Variants in DENND4C observed in about 807,000 individuals in gnomAD.
DENND4C encodes DENN domain-containing protein 4C.
In DENND4C, 108 loss-of-function variants were observed where a neutral mutation model predicts 203.0. The ratio of observed to expected loss-of-function variants is 0.53; its 90% CI spans 0.46 to 0.62. The LOEUF is 0.62. DENND4C is among the 20% of genes least tolerant of loss of function. The probability of loss-of-function intolerance (pLI) is 0.00; values close to 1 mark genes in which losing one functional copy is unlikely to be tolerated. For synonymous variants in DENND4C, 871 were observed against 792.4 expected, an observed-to-expected ratio of 1.10 and a Z score of -1.67; for missense variants, 2,481 against 2,301.2, an observed-to-expected ratio of 1.08 and a Z score of -1.60.
chr9:19,338,469 C>T lies in DENND4C; in HGVS notation c.2881+1637C>T, dbSNP rs193056484. Reference sequence around the variant, plus strand: ...AATAGTTGGGCACAAACCTTCAGGTCCCCCTTATATATATTTTAGCTGCAT... The same window carrying T: ...AATAGTTGGGCACAAACCTTCAGGTTCCCCTTATATATATTTTAGCTGCAT... On this transcript the variant is annotated intron_variant, in intron 20 of 32. Transcript: ENST00000434457. 1.3e-5 allele frequency among the ~76,000 whole-genome samples: 2 copies of T among 152,156 alleles called. 1 individual carries two copies. The highest frequency in any genetic ancestry group is 3.9e-4 in the East Asian group (2 of 5,174).
chr9:19,242,250 G>C (rs1823939933), intron 1 of DENND4C, among the ~76,000 whole-genome samples: 1 of 152,186 alleles, frequency 6.6e-6, no homozygotes, highest in South Asian at 2.1e-4. Flanking sequence ...TTTGTGGTTT[G>C]CTAGCTCATT....
At chr9:19,371,999 TAAC>T in intron 32 of DENND4C, 35 bp from the exon 33 acceptor site, 7 of 1,594,684 alleles carry the variant, frequency 4.4e-6, no homozygotes, top group Non-Finnish European at 6.0e-6. Context: ...TTGTCTTTCT[TAAC>T]AAATTACAAC....
At chr9:19,298,260 G>A in intron 7 of DENND4C, 138 bp downstream of exon 7, 1 of 673,864 alleles carries the variant, frequency 1.5e-6, no homozygotes, top group South Asian at 2.6e-5. Context: ...GTGCTTTGTA[G>A]CTTTACTGAA....
Position 19,341,079 on chromosome 9 carries a change from G to A in DENND4C, c.2969G>A (p.Arg990Lys), listed in dbSNP as rs1821513688. ...EIHVPEEQAA[R>K]ELITKTKMQT... ...CATGTGCCTGAAGAACAGGCAGCAAGAGAATTGATAACTAAAACAAAAATG... is the reference window on the plus strand; with the variant it reads ...CATGTGCCTGAAGAACAGGCAGCAAAAGAATTGATAACTAAAACAAAAATG... Residue 990 changes from arginine (R) to lysine (K), a missense_variant, in exon 21 of 33, where the codon AGA (arginine) becomes AAA (lysine). By Grantham distance (26) the Arg-to-Lys change is conservative (BLOSUM62 2). Around this residue, in one of 3 missense-constraint regions of DENND4C, gnomAD observed 2,289 missense variants for 2,113.3 expected, o/e 1.08. Transcript: ENST00000434457. 1 of 1,612,818 alleles carries A rather than the reference G, an allele frequency of 6.2e-7. No individual in the cohort carries two copies. The highest frequency in any genetic ancestry group is 1.3e-5 in the African/African-American group (1 of 74,954).
At chr9:19,292,316 G>A in intron 5 of DENND4C, 1 of 151,502 alleles carries the variant, frequency 6.6e-6, no homozygotes, top group Non-Finnish European at 1.5e-5. Flanking sequence ...CAGGTATGAG[G>A]CACCATGCCT....
At chr9:19,322,079 C>T (rs1186516316) in intron 12 of DENND4C, among the ~76,000 whole-genome samples, 5 of 152,068 alleles carry the variant, frequency 3.3e-5, no homozygotes, top group South Asian at 2.1e-4. Flanking sequence ...ATGCTCATTT[C>T]GGGGTGCGGA....
chr9:19,251,950 C>T (rs12002482), intron 1 of DENND4C, among the ~76,000 whole-genome samples: 9,764 of 152,202 alleles, frequency 0.064, 585 homozygotes, highest in African/African-American at 0.16. Flanking sequence ...CCAAACTGTT[C>T]CAGCCTCTGC....
At chr9:19,246,772 C>G (rs1825383282) in intron 1 of DENND4C, among the ~76,000 whole-genome samples, 1 of 152,028 alleles carries the variant, frequency 6.6e-6, no homozygotes, top group Non-Finnish European at 1.5e-5. Context: ...TGCACATCCC[C>G]TGTATTATTT....
At chr9:19,288,344 A>G (rs1017520663) in intron 3 of DENND4C, among the ~76,000 whole-genome samples, 13 of 152,188 alleles carry the variant, frequency 8.5e-5, no homozygotes, top group African/African-American at 3.1e-4. Flanking sequence ...GCAATCTCTG[A>G]GTGATTGTGA....
intron 12 of DENND4C, among the ~76,000 whole-genome samples, chr9:19,320,792 C>G (rs1842754408): frequency 6.6e-6 from 1 of 152,212 alleles, no homozygotes; most frequent in South Asian, 2.1e-4. Context: ...TTGTAGTTCA[C>G]CCATCAGCCT....
chr9:19,321,469 GTTTTT>G (rs564732221), intron 12 of DENND4C, among the ~76,000 whole-genome samples: 2 of 145,362 alleles, frequency 1.4e-5, no homozygotes, highest in Non-Finnish European at 3.0e-5. Flanking sequence ...CAGATCGAAG[GTTTTT>G]TTTTTTGTTT....
At chr9:19,286,720 G>A in intron 2 of DENND4C, 49 bp from the exon 3 acceptor site, 1 of 1,185,154 alleles carries the variant, frequency 8.4e-7, no homozygotes, top group Non-Finnish European at 1.1e-6. Flanking sequence ...ACATATGTAT[G>A]TGTGTATGTA....
chr9:19,357,154 G>A lies in DENND4C; in HGVS notation c.4964G>A (p.Ser1655Asn). 6.2e-7 allele frequency: 1 copy of A among 1,613,702 alleles called. No individual in the cohort carries two copies. Among genetic ancestry groups the A allele is most frequent in the Non-Finnish European group, 8.5e-7 (1 of 1,179,738 alleles). ...TEETGSAVEP[S>N]DEIKRASGDV... The stretch of plus-strand genomic sequence containing the variant: ...GAAACAGGCTCTGCAGTTGAACCAA[G>A]GTATCAAAGGGTACAGAGACCTCTT... Residue 1655 changes from serine to asparagine, a missense_variant and splice_region_variant, in exon 27 of 33, where the codon AGT becomes AAT. Transcript: ENST00000434457.
chr9:19,282,184 A>AT (rs1834185744), intron 2 of DENND4C, among the ~76,000 whole-genome samples: 1 of 150,414 alleles, frequency 6.6e-6, no homozygotes, highest in Non-Finnish European at 1.5e-5. Flanking sequence ...GTACAAAAAT[A>AT]TTTTTCTTTC....
rs879119031 is a variant in DENND4C, at chr9:19,335,095, A to T, written c.2579A>T (p.Tyr860Phe). Residue 860 changes from tyrosine to phenylalanine, a missense_variant, in exon 18 of 33, where the codon TAT (tyrosine) becomes TTT (phenylalanine). Tyr to Phe is a conservative substitution (Grantham distance 22). Around this residue, in one of 3 missense-constraint regions of DENND4C, gnomAD observed 2,289 missense variants for 2,113.3 expected, o/e 1.08. Transcript: ENST00000434457. ...RIKPNAITYG[Y>F]YNKVVLESPW... ...AAGCCTAATGCTATTACTTATGGTT[A>T]TTATAATAAGGTAAGTAGGATCGAC... The T allele has an allele frequency of 1.3e-6, 2 of 1,594,410 alleles. No homozygotes were observed. Among genetic ancestry groups the T allele is most frequent in the South Asian group, 2.3e-5 (2 of 87,146 alleles).
At chr9:19,274,364 C>T (rs573746464) in intron 1 of DENND4C, among the ~76,000 whole-genome samples, 36 of 150,750 alleles carry the variant, frequency 2.4e-4, no homozygotes, top group Non-Finnish European at 4.6e-4. Context: ...GGTGCGATCT[C>T]GGCTCACCGC....
chr9:19,293,155 T>C (rs939260194), intron 5 of DENND4C, among the ~76,000 whole-genome samples: 2 of 152,190 alleles, frequency 1.3e-5, no homozygotes, highest in African/African-American at 4.8e-5. Flanking sequence ...TTTTAAGATC[T>C]TCAAACATTA....
chr9:19,277,168 A>T (rs1434672974), intron 2 of DENND4C, among the ~76,000 whole-genome samples: 1 of 152,142 alleles, frequency 6.6e-6, no homozygotes, highest in Non-Finnish European at 1.5e-5. Context: ...TTACTAAAAT[A>T]TAGATATTTG....
chr9:19,311,432 A>G (rs1840722732), intron 10 of DENND4C, among the ~76,000 whole-genome samples: 1 of 152,030 alleles, frequency 6.6e-6, no homozygotes. Flanking sequence ...GGCCCCCACA[A>G]AGTTTATTTT....
Sources: gnomAD v4.1 joint callset for allele counts (sites outside exome capture counted in the v4.1 genomes callset) on GRCh38, gnomAD v4.1.1 for gene constraint, gnomAD v4.1.1 regional missense constraint, MANE v1.5 for transcripts, NCBI Gene and HGNC (gene_info 2026-07-23, HGNC 2026-07-21) for gene names.